EPB41L2: variants seen among roughly 807,000 people sequenced by gnomAD.
EPB41L2 encodes the protein erythrocyte membrane protein band 4.1 like 2.
A neutral mutation model predicts 113.0 loss-of-function variants in EPB41L2; 43 were observed. That is an observed-to-expected ratio of 0.38 (90% confidence interval 0.30 to 0.49). EPB41L2 has a LOEUF of 0.49. EPB41L2 is among the 20% of genes least tolerant of loss of function. The probability of loss-of-function intolerance (pLI) is 0.95; values close to 1 mark genes in which losing one functional copy is unlikely to be tolerated. For synonymous variants in EPB41L2, 442 were observed against 436.7 expected, an observed-to-expected ratio of 1.01 and a Z score of -0.15; for missense variants, 1,147 against 1,223.4, an observed-to-expected ratio of 0.94 and a Z score of 0.93.
chr6:130,933,682 G>A (rs1347500081), intron 3 of EPB41L2, among the ~76,000 whole-genome samples: 2 of 152,166 alleles, frequency 1.3e-5, no homozygotes, highest in South Asian at 2.1e-4. Flanking sequence ...AAGAAAAAGA[G>A]TAAATGAAAT....
intron 1 of EPB41L2, among the ~76,000 whole-genome samples, chr6:131,026,108 T>A (rs1790802251): frequency 6.6e-6 from 1 of 152,196 alleles, no homozygotes; most frequent in Non-Finnish European, 1.5e-5. Context: ...TTTAGGAACT[T>A]AGTCCCTTCT....
chr6:130,909,179 C>A (rs1053357664), intron 4 of EPB41L2, among the ~76,000 whole-genome samples: 1 of 152,134 alleles, frequency 6.6e-6, no homozygotes, highest in Non-Finnish European at 1.5e-5. Flanking sequence ...TGTAGAACTG[C>A]CAACAAATAG....
chr6:131,052,612 A>G (rs1796788528), intron 1 of EPB41L2, among the ~76,000 whole-genome samples: 1 of 152,222 alleles, frequency 6.6e-6, no homozygotes, highest in Admixed American at 6.5e-5. Flanking sequence ...TAAAGTTGTA[A>G]AAGAAAGTAC....
intron 19 of EPB41L2, among the ~76,000 whole-genome samples, chr6:130,857,501 TAC>T (rs1414796851): frequency 6.6e-6 from 1 of 152,060 alleles, no homozygotes; most frequent in African/African-American, 2.4e-5. Context: ...TTTCCATTTT[TAC>T]ACAGTCAAAG....
chr6:130,898,019 TAA>T (rs1211858985), intron 8 of EPB41L2, among the ~76,000 whole-genome samples: 1 of 137,438 alleles, frequency 7.3e-6, no homozygotes, highest in African/African-American at 2.7e-5. Context: ...AATAGTAAGT[TAA>T]AAAAAAAAAA....
rs768299444 is a variant in EPB41L2, at chr6:130,869,619, C to T, written c.2551G>A (p.Gly851Arg). 1.6e-5 allele frequency: 26 copies of T among 1,614,076 alleles called. No homozygotes were observed. The highest frequency in any genetic ancestry group is 1.6e-4 in the Middle Eastern group (1 of 6,084). The change falls in exon 15 of 20, where the codon GGA becomes AGA. Residue 851 changes from glycine (G) to arginine (R), a missense_variant. By Grantham distance (125) the Gly-to-Arg change is moderately radical (BLOSUM62 -2). Transcript: ENST00000337057. ...EAEEEPQKVN[G>R]EVSHVDIDVL... ...TCAATGTCAACATGGGACACCTCTC[C>T]GTTAACTTTCTGTGGCTCTTCCTCT...
intron 3 of EPB41L2, among the ~76,000 whole-genome samples, chr6:130,936,914 G>A (rs756169689): frequency 8.5e-5 from 13 of 152,186 alleles, no homozygotes; most frequent in Non-Finnish European, 1.8e-4. Flanking sequence ...TGCTCCAGCC[G>A]GCATCAGACC....
intron 14 of EPB41L2, among the ~76,000 whole-genome samples, chr6:130,875,731 G>A (rs1028104892): frequency 3.3e-5 from 5 of 152,110 alleles, no homozygotes; most frequent in Admixed American, 6.6e-5. Context: ...GGGTGTGGTG[G>A]CTCACGCCTG....
chr6:130,884,052 C>T (rs1203813075), intron 12 of EPB41L2, among the ~76,000 whole-genome samples: 5 of 152,054 alleles, frequency 3.3e-5, no homozygotes, highest in South Asian at 4.1e-4. Flanking sequence ...AAACACTATA[C>T]GGCCGGGCTC....
rs1456099446 is a variant in EPB41L2 at position 130,869,743 on chromosome 6, T to C, written c.2427A>G (p.Thr809=). Residue 809 remains threonine, a synonymous_variant, in exon 15 of 20, where the codon ACA becomes ACG. Transcript: ENST00000337057. ...CATTTTCCTGGATCACTGTTTCTAC[T>C]GTGATTACACTGGCACCTGCTTGTG... ...PVTQAGASVI[T]VETVIQENVG... 9 of 1,614,102 alleles carry C rather than the reference T, an allele frequency of 5.6e-6. No homozygotes were observed. The Admixed American group carries it at 8.3e-5, about 15-fold the overall frequency.
intron 14 of EPB41L2, among the ~76,000 whole-genome samples, chr6:130,870,987 T>C (rs1785480348): frequency 6.6e-6 from 1 of 152,158 alleles, no homozygotes; most frequent in Admixed American, 6.5e-5. Context: ...ACTCCAAGTG[T>C]TTCCTTTTAC....
chr6:130,883,237 T>C (rs927699503), intron 12 of EPB41L2: 1 of 152,456 alleles, frequency 6.6e-6, no homozygotes, highest in African/African-American at 2.4e-5. Context: ...GAAAAACAGA[T>C]GCAAGAGAGA....
intron 1 of EPB41L2, among the ~76,000 whole-genome samples, chr6:130,963,355 G>A (rs1479677195): frequency 6.6e-6 from 1 of 152,092 alleles, no homozygotes; most frequent in Non-Finnish European, 1.5e-5. Flanking sequence ...AAGAGCTATG[G>A]TTGTCAAAGT....
chr6:130,951,433 T>C (rs1188549760), intron 3 of EPB41L2, among the ~76,000 whole-genome samples: 1 of 145,798 alleles, frequency 6.9e-6, no homozygotes, highest in Non-Finnish European at 1.5e-5. Context: ...CAAGTGATTC[T>C]CCTGCCTCAG....
chr6:131,023,764 G>T (rs6906550), intron 1 of EPB41L2, among the ~76,000 whole-genome samples: 68,726 of 113,282 alleles, frequency 0.61, 16,877 homozygotes, highest in African/African-American at 0.63. Context: ...TAGATATATA[G>T]ATATATAGAT....
chr6:130,914,691 A>G (rs1231693161), intron 4 of EPB41L2, among the ~76,000 whole-genome samples: 1 of 152,212 alleles, frequency 6.6e-6, no homozygotes, highest in Non-Finnish European at 1.5e-5. Context: ...ACATTAAGGT[A>G]TAAGCAACCA....
intron 10 of EPB41L2, among the ~76,000 whole-genome samples, chr6:130,892,170 CAAG>C (rs747530634): frequency 2.6e-5 from 4 of 152,062 alleles, no homozygotes; most frequent in Admixed American, 6.6e-5. Flanking sequence ...TACAAGAATA[CAAG>C]AAGAGGACAG....
chr6:130,915,288 G>A (rs997811125), intron 4 of EPB41L2, among the ~76,000 whole-genome samples: 2 of 152,168 alleles, frequency 1.3e-5, no homozygotes, highest in East Asian at 1.9e-4. Context: ...GGGCGACAGA[G>A]CGAGACTCCG....
intron 1 of EPB41L2, among the ~76,000 whole-genome samples, chr6:131,025,354 C>T (rs1024541559): frequency 8.5e-5 from 13 of 152,180 alleles, no homozygotes; most frequent in Non-Finnish European, 1.8e-4. Context: ...AAGGAACTTA[C>T]GGCATGAATT....
Sources: gnomAD v4.1 joint callset for allele counts (sites outside exome capture counted in the v4.1 genomes callset) on GRCh38, gnomAD v4.1.1 for gene constraint, MANE v1.5 for transcripts, NCBI Gene and HGNC (gene_info 2026-07-23, HGNC 2026-07-21) for gene names.